The following SOX6 variants were observed in gnomAD, a reference collection of about 807,000 sequenced individuals.
SOX6 encodes the protein transcription factor SOX-6.
A neutral mutation model predicts 97.8 loss-of-function variants in SOX6; 11 were observed. The observed-to-expected ratio is 0.11, with a 90% CI of 0.07 to 0.19. The LOEUF is 0.19. SOX6 is among the 10% of genes least tolerant of loss of function. The pLI is 1.00. For missense variants in SOX6, 810 were observed against 1,039.5 expected (o/e 0.78, Z 3.04); for synonymous variants, 360 against 371.4 (o/e 0.97, Z 0.35).
Position 16,065,914 on chromosome 11 carries a change from G to A in SOX6, c.1102-10013C>T, listed in dbSNP as rs550773564. Among the ~76,000 whole-genome samples the A allele has an allele frequency of 6.6e-5, 10 of 152,108 alleles. No homozygotes were observed. The South Asian group carries it at 2.1e-3, about 32-fold the overall frequency. ...CAACCAAAGCAAAAATGGACAAATA[G>A]AATCAAACCAAGTTAAAAATCTTCT... On this transcript the variant is annotated intron_variant, in intron 9 of 15. Coordinates refer to ENST00000683767, the MANE Select transcript of SOX6 (RefSeq NM_001367873.1).
intron 4 of SOX6, among the ~76,000 whole-genome samples, chr11:16,524,872 C>T (rs1305855980): frequency 6.6e-6 from 1 of 152,118 alleles, no homozygotes; most frequent in Non-Finnish European, 1.5e-5. Flanking sequence ...GAGTGAACTC[C>T]CATTCACAAT....
intron 12 of SOX6, among the ~76,000 whole-genome samples, chr11:16,021,537 G>A (rs1855059452): frequency 6.6e-6 from 1 of 152,018 alleles, no homozygotes; most frequent in South Asian, 2.1e-4. Flanking sequence ...TATATTTTGA[G>A]GGAATTATTT....
chr11:16,682,583 T>C lies in SOX6; in HGVS notation n.429+32247A>G, dbSNP rs1243755121. Among the ~76,000 whole-genome samples the C allele has an allele frequency of 2.6e-5, 4 of 152,334 alleles. No homozygotes were observed. The East Asian group carries it at 5.8e-4, about 22-fold the overall frequency. Reference sequence around the variant, plus strand: ...CAATAAACTAGGTATTGATGGAACATATCTCAAAATAATAAGAGCTATTTA... The same window carrying C: ...CAATAAACTAGGTATTGATGGAACACATCTCAAAATAATAAGAGCTATTTA... On this transcript the variant is annotated intron_variant and non_coding_transcript_variant, in intron 3 of 5. Transcript: ENST00000524520.
intron 10 of SOX6, among the ~76,000 whole-genome samples, chr11:16,054,699 T>A (rs926213142): frequency 2.0e-5 from 3 of 152,202 alleles, no homozygotes; most frequent in Non-Finnish European, 4.4e-5. Context: ...TGTGAAGATT[T>A]AATAATTGCA....
intron 1 of SOX6, among the ~76,000 whole-genome samples, chr11:16,396,521 G>A (rs1458925951): frequency 6.6e-6 from 1 of 151,488 alleles, no homozygotes; most frequent in Non-Finnish European, 1.5e-5. Flanking sequence ...AATTTGAATT[G>A]TTTTTATTCC....
At chr11:16,179,532 A>G (rs576749039) in intron 6 of SOX6, among the ~76,000 whole-genome samples, 1 of 152,064 alleles carries the variant, frequency 6.6e-6, no homozygotes, top group East Asian at 1.9e-4. Context: ...AAGACAAAGA[A>G]TATTTGCAAA....
intron 7 of SOX6, among the ~76,000 whole-genome samples, chr11:16,102,960 G>A (rs1332566245): frequency 6.6e-6 from 1 of 151,918 alleles, no homozygotes; most frequent in Non-Finnish European, 1.5e-5. Flanking sequence ...CTAGACATTG[G>A]CTTAGGCAAA....
At chr11:16,502,529 A>T (rs553846953) in intron 4 of SOX6, among the ~76,000 whole-genome samples, 44 of 152,246 alleles carry the variant, frequency 2.9e-4, no homozygotes, top group Non-Finnish European at 5.7e-4. Flanking sequence ...AAATATCATT[A>T]AAAAAATTCT....
chr11:16,366,655 A>G (rs776574384), intron 1 of SOX6, among the ~76,000 whole-genome samples: 7 of 152,160 alleles, frequency 4.6e-5, no homozygotes, highest in Non-Finnish European at 7.4e-5. Flanking sequence ...TTCTTTCTGC[A>G]TTGAGATATA....
intron 3 of SOX6, among the ~76,000 whole-genome samples, chr11:16,643,425 C>T (rs945448234): frequency 1.2e-4 from 18 of 152,190 alleles, no homozygotes; most frequent in Admixed American, 1.0e-3. Context: ...GGGAGAACCA[C>T]CACTGTCTTC....
At chr11:16,731,678 T>C (rs1380234112) in intron 2 of SOX6, among the ~76,000 whole-genome samples, 2 of 150,102 alleles carry the variant, frequency 1.3e-5, no homozygotes, top group Non-Finnish European at 3.0e-5. Context: ...TCCTTTGAAA[T>C]GCACAAGACA....
chr11:16,055,274 A>G (rs1212019400), intron 10 of SOX6, among the ~76,000 whole-genome samples: 3 of 152,118 alleles, frequency 2.0e-5, no homozygotes, highest in Non-Finnish European at 2.9e-5. Context: ...ATTTATAACT[A>G]GTTTTGAATG....
intron 3 of SOX6, among the ~76,000 whole-genome samples, chr11:16,648,715 G>C (rs944149355): frequency 1.3e-5 from 2 of 152,198 alleles, no homozygotes; most frequent in East Asian, 1.9e-4. Flanking sequence ...TGACAAAATA[G>C]GGTTCTATAC....
chr11:16,667,169 G>C (rs1240466540), intron 3 of SOX6, among the ~76,000 whole-genome samples: 3 of 150,488 alleles, frequency 2.0e-5, no homozygotes, highest in Admixed American at 2.0e-4. Flanking sequence ...GATCCCAAAA[G>C]ATGAAGTTTG....
chr11:16,684,803 CTG>C (rs1231304993), intron 3 of SOX6, among the ~76,000 whole-genome samples: 3 of 151,956 alleles, frequency 2.0e-5, no homozygotes, highest in African/African-American at 7.3e-5. Flanking sequence ...ATATCTGAAA[CTG>C]TGTAATTTAT....
chr11:16,568,125 T>C (rs1847895830), intron 4 of SOX6, among the ~76,000 whole-genome samples: 1 of 152,172 alleles, frequency 6.6e-6, no homozygotes, highest in Admixed American at 6.5e-5. Context: ...ATAAGATATA[T>C]ACAAGACATA....
chr11:16,022,057 T>C (rs1855074400), intron 12 of SOX6, among the ~76,000 whole-genome samples: 1 of 152,194 alleles, frequency 6.6e-6, no homozygotes, highest in East Asian at 1.9e-4. Flanking sequence ...TCTGAGCCTG[T>C]TCCCCCCTTT....
intron 2 of SOX6, among the ~76,000 whole-genome samples, chr11:16,323,230 T>G (rs555381499): frequency 1.6e-4 from 25 of 152,186 alleles, no homozygotes; most frequent in African/African-American, 6.0e-4. Context: ...TGTAGATGAT[T>G]GAAAAAGTAC....
chr11:16,517,174 T>C (rs1409731786), intron 4 of SOX6, among the ~76,000 whole-genome samples: 1 of 152,164 alleles, frequency 6.6e-6, no homozygotes, highest in Non-Finnish European at 1.5e-5. Context: ...TGATGGGATG[T>C]ATTTCAAAAT....
Sources: gnomAD v4.1 joint callset for allele counts (sites outside exome capture counted in the v4.1 genomes callset) on GRCh38, gnomAD v4.1.1 for gene constraint, MANE v1.5 for transcripts, NCBI Gene and HGNC (gene_info 2026-07-23, HGNC 2026-07-21) for gene names.